DHX37: variants seen among roughly 807,000 people sequenced by gnomAD.
DHX37 encodes DEAH-box helicase 37, also known as probable ATP-dependent RNA helicase DHX37.
A neutral mutation model predicts 134.3 loss-of-function variants in DHX37; 52 were observed. The observed-to-expected ratio is 0.39, with a 90% confidence interval of 0.31 to 0.49. DHX37 has a LOEUF of 0.49. DHX37 is among the 20% of genes least tolerant of loss of function. DHX37 has a pLI of 0.93. For synonymous variants in DHX37, 634 were observed against 670.7 expected (o/e 0.95, Z 0.85); for missense variants, 1,344 against 1,580.8 (o/e 0.85, Z 2.54).
chr12:124,968,912 G>A lies in DHX37; in HGVS notation c.1248C>T (p.Phe416=), dbSNP rs1954457518. The change falls in exon 9 of 27, where the codon TTC becomes TTT. Residue 416 remains phenylalanine, a synonymous_variant. Coordinates refer to ENST00000308736, the MANE Select transcript of DHX37 (RefSeq NM_032656.4). Reference sequence around the variant, plus strand: ...TGGCGAAGAGCCGTGGGTTCTGGGTGAAGTCCTCCACCCGCAGCGTGGCCG... The same window carrying A: ...TGGCGAAGAGCCGTGGGTTCTGGGTAAAGTCCTCCACCCGCAGCGTGGCCG... ...IMSATLRVED[F]TQNPRLFAKP... The A allele has an allele frequency of 6.2e-7, 1 of 1,614,102 alleles. No individual in the cohort carries two copies. The highest frequency in any genetic ancestry group is 8.5e-7 in the Non-Finnish European group (1 of 1,180,028).
intron 25 of DHX37, 32 bp from the exon 26 acceptor site, chr12:124,948,213 C>A (rs1953911045): frequency 6.2e-7 from 1 of 1,606,040 alleles, no homozygotes; most frequent in Non-Finnish European, 8.5e-7. Flanking sequence ...TGGTGGCAGG[C>A]AGCCAGGGCA....
At chr12:124,964,824 A>G (rs919757417) in intron 14 of DHX37, 106 bp downstream of exon 14, 11 of 1,439,516 alleles carry the variant, frequency 7.6e-6, no homozygotes, top group Non-Finnish European at 1.0e-5. Context: ...AACTCTGGGG[A>G]TGCTGATCAA....
In DHX37 at chr12:124,977,520, A is replaced by G. The variant is rs770310117; in HGVS notation, c.739-30T>C. The G allele has an allele frequency of 3.2e-6, 5 of 1,574,558 alleles. No homozygotes were observed. In the South Asian group the frequency reaches 4.8e-5, roughly 15 times the overall value. On this transcript the variant is annotated intron_variant, in intron 4 of 26. Coordinates refer to ENST00000308736, the MANE Select transcript of DHX37 (RefSeq NM_032656.4). ...AAGGAGAGGAAGTCAGCACTTAGGG[A>G]GCAGCAAGACTATAGACAGTGATGG...
intron 16 of DHX37, among the ~76,000 whole-genome samples, chr12:124,958,932 C>T (rs1246974296): frequency 3.2e-5 from 4 of 125,972 alleles, no homozygotes; most frequent in East Asian, 2.4e-4. Flanking sequence ...TTTTTTGGGA[C>T]GGAGTCTTGC....
At chr12:124,970,775 C>T (rs1031666999) in intron 8 of DHX37, among the ~76,000 whole-genome samples, 3 of 152,212 alleles carry the variant, frequency 2.0e-5, no homozygotes, top group Non-Finnish European at 2.9e-5. Context: ...ACATGTGGAG[C>T]GCAGGCCCCT....
At position 124,963,767 on chromosome 12, in the gene DHX37, C is replaced by T. The variant is rs553727909; in HGVS notation, c.2045+627G>A. 1.8e-3 allele frequency among the ~76,000 whole-genome samples: 275 copies of T among 149,382 alleles called. 1 individual carries two copies. Among genetic ancestry groups the T allele is most frequent in the Admixed American group, 0.016 (243 of 14,870 alleles). On this transcript the variant is annotated intron_variant, in intron 15 of 26. Transcript: ENST00000308736. ...TGGTGGCAGGTGCCTGTAGTCCCAG[C>T]TACTCGGGAGGCTGAGGCAAGAGAA...
At chr12:124,978,284 T>C (rs1954684808) in intron 4 of DHX37, among the ~76,000 whole-genome samples, 1 of 151,384 alleles carries the variant, frequency 6.6e-6, no homozygotes, top group African/African-American at 2.4e-5. Flanking sequence ...TCTTAATTTT[T>C]GTTCTATTTC....
At position 124,949,070 on chromosome 12, in the gene DHX37, C is replaced by T. The variant is rs1028010644; in HGVS notation, c.3291-889G>A. 2.6e-5 allele frequency among the ~76,000 whole-genome samples: 4 copies of T among 152,060 alleles called. No homozygotes were observed. Among genetic ancestry groups the T allele is most frequent in the Non-Finnish European group, 5.9e-5 (4 of 67,994 alleles). ...GCTCTCCCCGACCAGCCCAGTCGCA[C>T]TCCACCCCCTGCCCACCGAGGCCTC... On this transcript the variant is annotated intron_variant, in intron 25 of 26. Transcript: ENST00000308736. This position sits in a 1 kb window ranked among gnomAD's most constrained non-coding sequence, Gnocchi z 4.0.
chr12:124,975,920 G>C (rs780503638), intron 5 of DHX37, among the ~76,000 whole-genome samples: 1 of 152,216 alleles, frequency 6.6e-6, no homozygotes, highest in Non-Finnish European at 1.5e-5. Flanking sequence ...GCTGGCCCTC[G>C]CTGGGTGCCT....
chr12:124,966,918 C>A, intron 11 of DHX37, 40 bp from the exon 12 acceptor site: 1 of 1,611,570 alleles, frequency 6.2e-7, no homozygotes, highest in Non-Finnish European at 8.5e-7. Context: ...CGTCTGTGGC[C>A]GGCGTGGTCG....
Position 124,949,168 on chromosome 12 carries a change from C to A in DHX37, c.3290+818G>T, listed in dbSNP as rs553066952. Among the ~76,000 whole-genome samples, 134 of 152,324 alleles carry A rather than the reference C, an allele frequency of 8.8e-4. 1 individual carries two copies. The highest frequency in any genetic ancestry group is 1.4e-3 in the Non-Finnish European group (98 of 68,034). ...GACAGAGATCGTGTCTGTATCCCAG[C>A]CCCGAGAACATGCCTGGGACAGGGC... On this transcript the variant is annotated intron_variant, in intron 25 of 26. Coordinates refer to ENST00000308736, the MANE Select transcript of DHX37 (RefSeq NM_032656.4). The surrounding 1 kb of genome is among the most constrained non-coding windows in gnomAD (Gnocchi z 4.0).
At chr12:124,958,634 T>TAA (rs879885062) in intron 16 of DHX37, among the ~76,000 whole-genome samples, 1,573 of 150,958 alleles carry the variant, frequency 0.01, 93 homozygotes, top group Admixed American at 0.085. Context: ...CTTTTTTTTC[T>TAA]TTTTTTTTGT....
intron 6 of DHX37, 66 bp from the exon 7 acceptor site, chr12:124,972,665 T>G: frequency 1.3e-6 from 2 of 1,520,158 alleles, no homozygotes; most frequent in Non-Finnish European, 1.8e-6. Context: ...ACGGGGCCAC[T>G]ACAAGGCAGG....
At chr12:124,963,636 G>A (rs1398875083) in intron 15 of DHX37, among the ~76,000 whole-genome samples, 3 of 151,682 alleles carry the variant, frequency 2.0e-5, no homozygotes, top group Non-Finnish European at 2.9e-5. Context: ...TTGGGAGGCC[G>A]AGGCGGGTGG....
At position 124,964,971 on chromosome 12, in the gene DHX37, G is replaced by A. The variant is rs777370972; in HGVS notation, c.1771C>T (p.Leu591Phe). ...GGGGCCAGCAGAGAGTACAGCGGGA[G>A]CACGTGGAGCGGGAGGGAGGCATCC... is the stretch of plus-strand genomic sequence containing the variant. ...QPDASLPLHVLPLYSLLAPEK... is the reference protein window; with the variant it reads ...QPDASLPLHVFPLYSLLAPEK... The change falls in exon 14 of 27, where the codon CTC becomes TTC. Residue 591 changes from leucine (L) to phenylalanine (F), a missense_variant. By Grantham distance (22) the Leu-to-Phe change is conservative. Transcript: ENST00000308736. 78 of 1,599,596 alleles carry A rather than the reference G, an allele frequency of 4.9e-5. No homozygotes were observed. Among genetic ancestry groups the A allele is most frequent in the Non-Finnish European group, 6.4e-5 (75 of 1,174,766 alleles).
rs1168068257 is a variant in DHX37, at chr12:124,950,462, T to C, written c.3072A>G (p.Thr1024=). ...GCACCCGCCCCCGCTCGGGGCAGTA[T>C]GTAGGGGCTGGTTCCTCCAGGGGCT... The part of the protein sequence containing the change: ...FDKPLEEPAP[T]YCPERGRVLC... The change falls in exon 23 of 27, where the codon ACA becomes ACG. Residue 1024 remains threonine (T), a synonymous_variant. Transcript: ENST00000308736. The C allele has an allele frequency of 6.3e-7, 1 of 1,587,336 alleles. No individual in the cohort carries two copies. The highest frequency in any genetic ancestry group is 8.6e-7 in the Non-Finnish European group (1 of 1,166,494).
chr12:124,949,968 T>A lies in DHX37; in HGVS notation c.3290+18A>T. On this transcript the variant is annotated intron_variant, in intron 25 of 26. Coordinates refer to ENST00000308736, the MANE Select transcript of DHX37 (RefSeq NM_032656.4). This position sits in a 1 kb window ranked among gnomAD's most constrained non-coding sequence, Gnocchi z 4.0. ...GGACCCCTCCTGCCCACTGCGAGGC[T>A]CCCACCGAAGGCAGTACCTGGCCCA... 1.3e-6 allele frequency: 2 copies of A among 1,589,736 alleles called. No individual in the cohort carries two copies. Among genetic ancestry groups the A allele is most frequent in the Non-Finnish European group, 8.6e-7 (1 of 1,166,630 alleles).
chr12:124,985,774 G>C (rs1399646322), intron 2 of DHX37, among the ~76,000 whole-genome samples: 2 of 140,950 alleles, frequency 1.4e-5, no homozygotes, highest in African/African-American at 2.6e-5. Flanking sequence ...AGCCAGAAAA[G>C]ATGTCGGGGG....
At position 124,953,872 on chromosome 12, in the gene DHX37, G is replaced by A; in HGVS notation, c.2695+8C>T. 1 of 1,610,174 alleles carries A rather than the reference G, an allele frequency of 6.2e-7. No individual in the cohort carries two copies. The highest frequency in any genetic ancestry group is 8.5e-7 in the Non-Finnish European group (1 of 1,178,560). On this transcript the variant is annotated splice_region_variant and intron_variant, in intron 20 of 26. Transcript: ENST00000308736. Reference sequence around the variant, plus strand: ...CGGGTGCAGCGGCGTGCCGGCACGGGGCCGTACCTGCGGTGGTCAGCTGGC... The same window carrying A: ...CGGGTGCAGCGGCGTGCCGGCACGGAGCCGTACCTGCGGTGGTCAGCTGGC...
Sources: gnomAD v4.1 joint callset for allele counts (sites outside exome capture counted in the v4.1 genomes callset) on GRCh38, gnomAD v4.1.1 for gene constraint, Gnocchi (gnomAD v3.1) non-coding constraint, MANE v1.5 for transcripts, NCBI Gene and HGNC (gene_info 2026-07-23, HGNC 2026-07-21) for gene names.